BRCC3: variants seen among roughly 807,000 people sequenced by gnomAD.
BRCC3 encodes the protein BRCA1/BRCA2-containing complex subunit 3, also known as lys-63-specific deubiquitinase BRCC36.
A neutral mutation model predicts 28.0 loss-of-function variants in BRCC3; 15 were observed. That is an observed-to-expected ratio of 0.54 (90% CI 0.36 to 0.82). The LOEUF is 0.82. BRCC3 is among the 40% of genes least tolerant of loss of function. The pLI is 0.01. For synonymous variants in BRCC3, 66 were observed against 80.3 expected (o/e 0.82, Z 0.95); for missense variants, 109 against 225.9 (o/e 0.48, Z 3.32).
At chrX:155,080,418 A>G (rs781931134) in intron 5 of BRCC3, among the ~76,000 whole-genome samples, 82 of 110,523 alleles carry the variant, frequency 7.4e-4, no homozygotes, top group Non-Finnish European at 1.3e-3. Context: ...GGAGTTTGTA[A>G]TGCAGCAGTA....
At chrX:155,073,597 C>G (rs1408914897) in intron 3 of BRCC3, among the ~76,000 whole-genome samples, 166 bp downstream of exon 3, 1 of 111,496 alleles carries the variant, frequency 9.0e-6, no homozygotes, top group African/African-American at 3.3e-5. Flanking sequence ...ATTTTCTGTT[C>G]TTTGTAGCAA....
intron 3 of BRCC3, among the ~76,000 whole-genome samples, chrX:155,073,919 C>T (rs1437024247): frequency 9.0e-6 from 1 of 111,592 alleles, no homozygotes; most frequent in African/African-American, 3.3e-5. Flanking sequence ...ATGCTTCTCA[C>T]CTAATCGTGG....
chrX:155,095,393 C>A (rs889339937), intron 7 of BRCC3, among the ~76,000 whole-genome samples: 2 of 111,079 alleles, frequency 1.8e-5, no homozygotes, highest in African/African-American at 6.6e-5. Context: ...CTCCACCTCC[C>A]GGGTTCAAGT....
intron 4 of BRCC3, among the ~76,000 whole-genome samples, chrX:155,077,864 C>T (rs1457006388): frequency 8.9e-6 from 1 of 112,044 alleles, no homozygotes. Flanking sequence ...CTTCAGGGAT[C>T]CTTTCCCTGG....
chrX:155,100,889 G>A (rs782790926), intron 7 of BRCC3, among the ~76,000 whole-genome samples: 1 of 110,107 alleles, frequency 9.1e-6, no homozygotes, highest in African/African-American at 3.3e-5. Context: ...ACACAATACA[G>A]TATAATAATT....
intron 5 of BRCC3, among the ~76,000 whole-genome samples, chrX:155,083,294 G>A (rs2074097259): frequency 1.8e-5 from 2 of 112,120 alleles, no homozygotes; most frequent in Non-Finnish European, 3.8e-5. Flanking sequence ...TTTTGCAAAG[G>A]CAAACCCTTT....
rs2074394825 is a variant in BRCC3 at position 155,122,674 on chromosome X, C to G, written c.*1470C>G. 9.0e-6 allele frequency: 1 copy of G among 111,143 alleles called. No individual in the cohort carries two copies. The highest frequency in any genetic ancestry group is 9.5e-5 in the Admixed American group (1 of 10,527). 9.2% of individuals were successfully genotyped at this position (111,143 alleles called of 1,213,427 possible). On this transcript the variant is annotated 3_prime_UTR_variant, in exon 11 of 11. Coordinates refer to ENST00000330045, the MANE Select transcript of BRCC3 (RefSeq NM_001018055.3). ...AATACTGCTCTGGAATGAAAAGGAACTAACTGTTGATACAAGAACTTGGTT... is the reference window on the plus strand; with the variant it reads ...AATACTGCTCTGGAATGAAAAGGAAGTAACTGTTGATACAAGAACTTGGTT...
chrX:155,073,515 G>C (rs2298259), intron 3 of BRCC3, 84 bp downstream of exon 3: 41,850 of 1,013,979 alleles, frequency 0.041, 718 homozygotes, highest in Middle Eastern at 0.12. Flanking sequence ...CAGAGTATGC[G>C]GTTTCTGGCT....
At chrX:155,078,538 A>G (rs1557293878) in intron 4 of BRCC3, 78 bp from the exon 5 acceptor site, 37 of 644,125 alleles carry the variant, frequency 5.7e-5, no homozygotes, top group Non-Finnish European at 5.0e-6. Context: ...CTTATTTTAA[A>G]CTTCAGGGTG....
rs1557292540 is a variant in BRCC3, at chrX:155,071,523, C to T, written c.-5C>T. Reference sequence around the variant, plus strand: ...CGAGGCGGACGTGAGAAGGGTCGGGCCAAGATGGCGGTGCAGGTGGTGCAG... The same window carrying T: ...CGAGGCGGACGTGAGAAGGGTCGGGTCAAGATGGCGGTGCAGGTGGTGCAG... On this transcript the variant is annotated 5_prime_UTR_variant, in exon 1 of 11. Transcript: ENST00000330045. The T allele has an allele frequency of 1.7e-6, 2 of 1,199,966 alleles. No homozygotes were observed. Among genetic ancestry groups the T allele is most frequent in the Admixed American group, 2.3e-5 (1 of 44,285 alleles).
At chrX:155,077,343 A>G (rs1397965004) in intron 4 of BRCC3, 54 bp downstream of exon 4, 3 of 1,084,162 alleles carry the variant, frequency 2.8e-6, no homozygotes, top group African/African-American at 3.7e-5. Flanking sequence ...CCTGGGCCGC[A>G]TTGCTGCTTG....
At chrX:155,097,506 A>G in intron 7 of BRCC3, among the ~76,000 whole-genome samples, 1 of 112,074 alleles carries the variant, frequency 8.9e-6, no homozygotes, top group Middle Eastern at 4.6e-3. Flanking sequence ...AGACTCCTCA[A>G]AAAACAAAAA....
intron 9 of BRCC3, among the ~76,000 whole-genome samples, chrX:155,117,077 C>T (rs138729582): frequency 1.2e-4 from 13 of 112,219 alleles, no homozygotes; most frequent in African/African-American, 2.9e-4. Flanking sequence ...TCGTGTTTGA[C>T]GGTTTCCATG....
chrX:155,085,044 G>T (rs1203340572), intron 5 of BRCC3, among the ~76,000 whole-genome samples: 3 of 111,689 alleles, frequency 2.7e-5, no homozygotes, highest in Non-Finnish European at 3.8e-5. Context: ...ATTTCCAATG[G>T]CCTCCACATG....
At chrX:155,089,884 G>A (rs903426152) in intron 6 of BRCC3, among the ~76,000 whole-genome samples, 22 of 111,776 alleles carry the variant, frequency 2.0e-4, no homozygotes, top group African/African-American at 7.2e-4. Context: ...CAGAGGGTGT[G>A]GGTGGAATCC....
At chrX:155,116,892 C>T in intron 9 of BRCC3, 138 bp downstream of exon 9, 2 of 441,149 alleles carry the variant, frequency 4.5e-6, no homozygotes, top group East Asian at 7.8e-5. Context: ...CAAGGGTTTT[C>T]CTGATCCTGA....
chrX:155,080,886 G>A (rs1455466881), intron 5 of BRCC3, among the ~76,000 whole-genome samples: 2 of 112,087 alleles, frequency 1.8e-5, no homozygotes, highest in Admixed American at 9.4e-5. Context: ...TATAAAATGA[G>A]CAACAAAAGA....
At chrX:155,105,368 A>T (rs1281802156) in intron 7 of BRCC3, among the ~76,000 whole-genome samples, 2 of 111,634 alleles carry the variant, frequency 1.8e-5, no homozygotes, top group East Asian at 5.6e-4. Flanking sequence ...CTGTAATCCC[A>T]GCTACTCGGG....
chrX:155,091,429 G>A (rs782801344), intron 7 of BRCC3, among the ~76,000 whole-genome samples: 12 of 110,123 alleles, frequency 1.1e-4, no homozygotes, highest in African/African-American at 2.0e-4. Context: ...GTACCACCAC[G>A]CGCAGCTAAT....
Sources: gnomAD v4.1 joint callset for allele counts (sites outside exome capture counted in the v4.1 genomes callset) on GRCh38, gnomAD v4.1.1 for gene constraint, MANE v1.5 for transcripts, NCBI Gene and HGNC (gene_info 2026-07-23, HGNC 2026-07-21) for gene names.